TECPR2: variants seen among roughly 807,000 people sequenced by gnomAD.
The protein encoded by TECPR2 is tectonin beta-propeller repeat-containing protein 2.
Under a neutral mutation model 138.1 loss-of-function variants are expected in TECPR2, and 65 were observed. The observed-to-expected ratio is 0.47, with a 90% CI of 0.39 to 0.58. The LOEUF (loss-of-function observed/expected upper bound fraction) is 0.58, where lower values mean the gene tolerates loss of function less well. TECPR2 is among the 20% of genes least tolerant of loss of function. The probability of loss-of-function intolerance (pLI) is 0.00; values close to 1 mark genes in which losing one functional copy is unlikely to be tolerated. For synonymous variants in TECPR2, 746 were observed against 749.8 expected, an observed-to-expected ratio of 0.99 and a Z score of 0.08; for missense variants, 1,553 against 1,824.5, an observed-to-expected ratio of 0.85 and a Z score of 2.71.
Position 102,443,966 on chromosome 14 carries a change from T to G in TECPR2, c.2933+139T>G. 1.2e-6 allele frequency: 1 copy of G among 835,778 alleles called. No homozygotes were observed. The highest frequency in any genetic ancestry group is 1.7e-6 in the Non-Finnish European group (1 of 582,704). 51.8% of individuals were successfully genotyped at this position (835,778 alleles called of 1,614,324 possible). Reference sequence around the variant, plus strand: ...TCCATGGCTATAGGCTAAGCTTGAATCTCTGCCTAATTCTGACCGGCAAAC... The same window carrying G: ...TCCATGGCTATAGGCTAAGCTTGAAGCTCTGCCTAATTCTGACCGGCAAAC... On this transcript the variant is annotated intron_variant, in intron 12 of 19. Transcript: ENST00000359520. The surrounding 1 kb of genome is among the most constrained non-coding windows in gnomAD (Gnocchi z 4.9).
At chr14:102,438,992 G>T (rs1447551152) in intron 10 of TECPR2, among the ~76,000 whole-genome samples, 2 of 151,614 alleles carry the variant, frequency 1.3e-5, no homozygotes, top group Non-Finnish European at 2.9e-5. Flanking sequence ...CTCCCCAGTA[G>T]CTGGGACTAC....
chr14:102,440,511 G>A lies in TECPR2; in HGVS notation c.2654G>A (p.Arg885Gln), dbSNP rs747597466. The A allele has an allele frequency of 8.7e-6, 14 of 1,614,052 alleles. No individual in the cohort carries two copies. The highest frequency in any genetic ancestry group is 5.5e-5 in the South Asian group (5 of 91,082). Residue 885 changes from arginine (R) to glutamine (Q), a missense_variant, in exon 11 of 20, where the codon CGG (arginine) becomes CAG (glutamine). Physicochemically the swap from Arg to Gln is conservative, Grantham distance 43. Transcript: ENST00000359520. ...GGGAAAGTCACCATCAAGGGGAAGC[G>A]GCACTGGTACGAAGCCCTGCCCCAG... Reference protein sequence around the residue: ...ACGKVTIKGKRHWYEALPQAV... With the variant: ...ACGKVTIKGKQHWYEALPQAV...
chr14:102,456,914 C>T (rs1362080793), intron 16 of TECPR2, among the ~76,000 whole-genome samples: 1 of 151,670 alleles, frequency 6.6e-6, no homozygotes, highest in East Asian at 2.0e-4. Context: ...AGTTGAGACT[C>T]AATCTCACTG....
Position 102,420,636 on chromosome 14 carries a change from C to G in TECPR2, c.639-4343C>G, listed in dbSNP as rs1889154175. On this transcript the variant is annotated intron_variant, in intron 5 of 19. Coordinates refer to ENST00000359520, the MANE Select transcript of TECPR2 (RefSeq NM_014844.5). The surrounding 1 kb of genome is among the most constrained non-coding windows in gnomAD (Gnocchi z 4.1). ...TACAGGCACGCACCACCATGCCTGG[C>G]TAAATTTTTTAATTTGTAGAGATGG... Among the ~76,000 whole-genome samples the G allele has an allele frequency of 6.6e-6, 1 of 152,238 alleles. No individual in the cohort carries two copies. The highest frequency in any genetic ancestry group is 6.5e-5 in the Admixed American group (1 of 15,280).
At chr14:102,480,256 G>A (rs1218171405) in intron 17 of TECPR2, among the ~76,000 whole-genome samples, 1 of 148,734 alleles carries the variant, frequency 6.7e-6, no homozygotes, top group African/African-American at 2.5e-5. Context: ...ACGGAGTCTT[G>A]CTCTGTCGCC....
In TECPR2 at chr14:102,498,142, G is replaced by A; in HGVS notation, c.4121G>A (p.Gly1374Asp). ...SDELWAVGPP[G>D]YLLQRLTKTF... is the part of the protein sequence containing the mutation. The stretch of plus-strand genomic sequence containing the variant: ...GAGCTGTGGGCTGTGGGCCCGCCCG[G>A]CTACCTCCTCCAACGGCTGACAAAG... Residue 1374 changes from glycine (G) to aspartate (D), a missense_variant, in exon 20 of 20, where the codon GGC becomes GAC. Coordinates refer to ENST00000359520, the MANE Select transcript of TECPR2 (RefSeq NM_014844.5). 6.2e-7 allele frequency: 1 copy of A among 1,613,242 alleles called. No homozygotes were observed.
At chr14:102,442,804 A>G (rs1889869790) in intron 11 of TECPR2, among the ~76,000 whole-genome samples, 1 of 152,220 alleles carries the variant, frequency 6.6e-6, no homozygotes, top group African/African-American at 2.4e-5. Context: ...CTGAGACCTA[A>G]TTGCAGGCCT....
At chr14:102,430,866 T>A (rs1889452092) in intron 7 of TECPR2, among the ~76,000 whole-genome samples, 1 of 152,176 alleles carries the variant, frequency 6.6e-6, no homozygotes, top group African/African-American at 2.4e-5. Context: ...CAGGTACACA[T>A]GTATTTTTCA....
intron 17 of TECPR2, among the ~76,000 whole-genome samples, chr14:102,487,002 AGC>A (rs751637024): frequency 3.3e-5 from 5 of 152,306 alleles, no homozygotes; most frequent in Non-Finnish European, 7.4e-5. Flanking sequence ...CACACGCCTC[AGC>A]GCCCCCTGAG....
chr14:102,375,810 A>C (rs1246211086), intron 1 of TECPR2, among the ~76,000 whole-genome samples: 1 of 152,148 alleles, frequency 6.6e-6, no homozygotes, highest in Non-Finnish European at 1.5e-5. Context: ...AAAGACCTAG[A>C]GTCAAGTCTC....
chr14:102,363,532 C>T (rs1020756456), intron 1 of TECPR2, among the ~76,000 whole-genome samples: 3 of 152,242 alleles, frequency 2.0e-5, no homozygotes, highest in African/African-American at 4.8e-5. Context: ...ATCCGCCCAC[C>T]GGCGCCTGGC....
chr14:102,408,544 G>A lies in TECPR2; in HGVS notation c.405G>A (p.Trp135Ter), dbSNP rs752691126. 6.2e-7 allele frequency: 1 copy of A among 1,613,754 alleles called. No individual in the cohort carries two copies. The highest frequency in any genetic ancestry group is 2.2e-5 in the East Asian group (1 of 44,832). ...IHKNSITALA[W>*]SPNGMKLFSG... Reference sequence around the variant, plus strand: ...AAAATAGCATTACAGCTCTGGCTTGGAGCCCCAATGGAATGAAATTGTTCT... The same window carrying A: ...AAAATAGCATTACAGCTCTGGCTTGAAGCCCCAATGGAATGAAATTGTTCT... Residue 135 changes from tryptophan to a stop codon, truncating the protein, a stop_gained, in exon 4 of 20, where the codon TGG (tryptophan) becomes TGA (stop). Transcript: ENST00000359520. LOFTEE classifies it high-confidence loss of function.
At chr14:102,461,102 G>A (rs118165340) in intron 16 of TECPR2, among the ~76,000 whole-genome samples, 1 of 152,052 alleles carries the variant, frequency 6.6e-6, no homozygotes, top group Non-Finnish European at 1.5e-5. Context: ...TAAATTAAAT[G>A]GTTGGCTGCT....
intron 17 of TECPR2, among the ~76,000 whole-genome samples, chr14:102,480,841 G>GTTTTTTTTT (rs71119706): frequency 2.3e-4 from 17 of 75,208 alleles, no homozygotes; most frequent in East Asian, 4.9e-4. Flanking sequence ...TTGGTTTTGG[G>GTTTTTTTTT]TTTTTTTTTT....
At chr14:102,422,628 TTTAGAGATACATAGATATGTGA>T (rs1457352165) in intron 5 of TECPR2, among the ~76,000 whole-genome samples, 6 of 152,210 alleles carry the variant, frequency 3.9e-5, no homozygotes, top group African/African-American at 7.2e-5. Flanking sequence ...TTATATTGTC[TTTAGAGATACATAGATATGTGA>T]TTAAACCAAC....
intron 19 of TECPR2, 51 bp from the exon 20 acceptor site, chr14:102,498,052 C>CT: frequency 2.0e-6 from 2 of 1,003,078 alleles, no homozygotes; most frequent in Non-Finnish European, 1.4e-6. Flanking sequence ...TCTGTGCCCA[C>CT]CCCACAGGCT....
At chr14:102,421,803 A>G (rs1783792043) in intron 5 of TECPR2, among the ~76,000 whole-genome samples, 1 of 152,186 alleles carries the variant, frequency 6.6e-6, no homozygotes, top group South Asian at 2.1e-4. Flanking sequence ...CAGAATGGGA[A>G]ACGGGTCCAG....
chr14:102,495,968 G>A (rs1259375879), intron 17 of TECPR2, among the ~76,000 whole-genome samples: 3 of 152,192 alleles, frequency 2.0e-5, no homozygotes, highest in Admixed American at 6.5e-5. Flanking sequence ...TGTGTGACAC[G>A]GGCACTATGA....
At chr14:102,370,346 C>T (rs1161527107) in intron 1 of TECPR2, among the ~76,000 whole-genome samples, 1 of 152,164 alleles carries the variant, frequency 6.6e-6, no homozygotes, top group African/African-American at 2.4e-5. Flanking sequence ...GCTGGGATTA[C>T]ACGCGTGAAC....
Sources: gnomAD v4.1 joint callset for allele counts (sites outside exome capture counted in the v4.1 genomes callset) on GRCh38, gnomAD v4.1.1 for gene constraint, Gnocchi (gnomAD v3.1) non-coding constraint, MANE v1.5 for transcripts, NCBI Gene and HGNC (gene_info 2026-07-23, HGNC 2026-07-21) for gene names.